The following CPPED1 variants were observed in gnomAD, a reference collection of about 807,000 sequenced individuals.
The protein encoded by CPPED1 is serine/threonine-protein phosphatase CPPED1.
Under a neutral mutation model 28.0 loss-of-function variants are expected in CPPED1, and 28 were observed. The ratio of observed to expected loss-of-function variants is 1.00; its 90% CI spans 0.74 to 1.37. The LOEUF is 1.37. Among genes scored for constraint, CPPED1 ranks in the 40% most tolerant of loss-of-function variants. The pLI is 0.00. For synonymous variants in CPPED1, 198 were observed against 180.2 expected (o/e 1.10, Z -0.79); for missense variants, 504 against 416.5 (o/e 1.21, Z -1.83).
chr16:12,664,270 A>T lies in CPPED1; in HGVS notation c.*616T>A. The T allele has an allele frequency of 1.3e-6, 1 of 786,156 alleles. No individual in the cohort carries two copies. Among genetic ancestry groups the T allele is most frequent in the Non-Finnish European group, 1.5e-6 (1 of 647,848 alleles). 48.7% of individuals were successfully genotyped at this position (786,156 alleles called of 1,614,324 possible). On this transcript the variant is annotated 3_prime_UTR_variant, in exon 4 of 4. Transcript: ENST00000381774. The surrounding 1 kb of genome is among the most constrained non-coding windows in gnomAD (Gnocchi z 4.2). ...TCTAGGCACCCAGGAAGGCAAATTT[A>T]AGCTCCGAGCTGTATCAACTGCATT...
rs759238457 is a variant in CPPED1, at chr16:12,781,332, C to A, written c.142G>T (p.Ala48Ser). The A allele has an allele frequency of 1.9e-5, 31 of 1,613,964 alleles. No homozygotes were observed. Among genetic ancestry groups the A allele is most frequent in the Non-Finnish European group, 2.5e-5 (29 of 1,180,032 alleles). ...TTGTCACAGTCCCCAGTGGACCAGGCCTTGATCAGCCCAAACTGTGGGTCT... is the reference window on the plus strand; with the variant it reads ...TTGTCACAGTCCCCAGTGGACCAGGACTTGATCAGCCCAAACTGTGGGTCT... ...GADPQFGLIK[A>S]WSTGDCDNGG... is the part of the protein sequence containing the mutation. Residue 48 changes from alanine to serine, a missense_variant, in exon 2 of 4, where the codon GCC (alanine) becomes TCC (serine). Transcript: ENST00000381774.
intron 1 of CPPED1, among the ~76,000 whole-genome samples, chr16:12,800,936 T>A (rs763224702): frequency 1.3e-5 from 2 of 152,174 alleles, no homozygotes; most frequent in South Asian, 4.1e-4. Flanking sequence ...AGCCCACCAG[T>A]AGCCAAGCAT....
chr16:12,683,560 T>C (rs1336026076), intron 3 of CPPED1, among the ~76,000 whole-genome samples: 3 of 152,170 alleles, frequency 2.0e-5, no homozygotes, highest in African/African-American at 7.2e-5. Context: ...CGCTTACTTC[T>C]TTTGCCCCAA....
chr16:12,740,092 GGAAGGAA>G (rs1427113119), intron 2 of CPPED1, among the ~76,000 whole-genome samples: 162 of 145,760 alleles, frequency 1.1e-3, no homozygotes, highest in African/African-American at 3.7e-3. Context: ...AGAAAGGAAA[GGAAGGAA>G]AGGAAGGAAA....
chr16:12,766,722 T>C (rs2080442015), intron 2 of CPPED1, among the ~76,000 whole-genome samples: 1 of 151,944 alleles, frequency 6.6e-6, no homozygotes, highest in South Asian at 2.1e-4. Context: ...TGAGCAGAGA[T>C]CACGCCACTG....
At chr16:12,730,908 A>G (rs1596463062) in intron 2 of CPPED1, among the ~76,000 whole-genome samples, 2 of 152,270 alleles carry the variant, frequency 1.3e-5, no homozygotes, top group East Asian at 3.9e-4. Flanking sequence ...TTCCTGAGAA[A>G]CCTCAATTTT....
intron 2 of CPPED1, among the ~76,000 whole-genome samples, chr16:12,712,434 C>T (rs185820058): frequency 6.6e-6 from 1 of 152,254 alleles, no homozygotes; most frequent in Non-Finnish European, 1.5e-5. Context: ...TTGAGTGAGC[C>T]AGCAGTTCCA....
chr16:12,787,529 T>G (rs1019827133), intron 1 of CPPED1, among the ~76,000 whole-genome samples: 31 of 151,738 alleles, frequency 2.0e-4, no homozygotes, highest in Admixed American at 2.0e-3. Flanking sequence ...CTTAGCCTCC[T>G]GAGCAGCTGG....
chr16:12,762,221 C>T (rs927718225), intron 2 of CPPED1, among the ~76,000 whole-genome samples: 8 of 152,192 alleles, frequency 5.3e-5, no homozygotes, highest in African/African-American at 1.9e-4. Flanking sequence ...ATTAAAAATA[C>T]TCTCTCATTT....
intron 3 of CPPED1, among the ~76,000 whole-genome samples, chr16:12,667,796 G>A (rs908042472): frequency 6.6e-6 from 1 of 152,092 alleles, no homozygotes; most frequent in Non-Finnish European, 1.5e-5. Flanking sequence ...GGAGCTGGTG[G>A]AGGAGAAAGG....
rs1442909175 is a variant in CPPED1, at chr16:12,660,943, A to C, written c.*3943T>G. ...GCCTGGGTAACAGAGCAAGACCTTC[A>C]ACTCCACAAATATAAAAATAAAAAA... is the stretch of plus-strand genomic sequence containing the variant. On this transcript the variant is annotated 3_prime_UTR_variant, in exon 4 of 4. Coordinates refer to ENST00000381774, the MANE Select transcript of CPPED1 (RefSeq NM_018340.3). 6.6e-6 allele frequency: 1 copy of C among 152,176 alleles called. No individual in the cohort carries two copies. Among genetic ancestry groups the C allele is most frequent in the African/African-American group, 2.4e-5 (1 of 41,446 alleles). The allele number at this position is 152,176 out of a possible 1,614,324, so 9.4% of individuals were successfully genotyped here.
chr16:12,785,578 G>A (rs1200612144), intron 1 of CPPED1, among the ~76,000 whole-genome samples: 2 of 151,926 alleles, frequency 1.3e-5, no homozygotes, highest in African/African-American at 4.8e-5. Flanking sequence ...CAGGCATGCA[G>A]CACCACACCT....
intron 2 of CPPED1, among the ~76,000 whole-genome samples, chr16:12,712,689 G>C (rs775238628): frequency 6.6e-6 from 1 of 152,094 alleles, no homozygotes. Flanking sequence ...CTGGCAGTGG[G>C]GGACAGTAAG....
intron 3 of CPPED1, among the ~76,000 whole-genome samples, chr16:12,671,231 A>G (rs1596439180): frequency 6.6e-6 from 1 of 152,060 alleles, no homozygotes; most frequent in South Asian, 2.1e-4. Flanking sequence ...CATTTGTTAC[A>G]ATTAATGAAC....
At chr16:12,771,647 C>T (rs2080470983) in intron 2 of CPPED1, among the ~76,000 whole-genome samples, 1 of 152,178 alleles carries the variant, frequency 6.6e-6, no homozygotes, top group Non-Finnish European at 1.5e-5. Context: ...TGTCTTGTAC[C>T]AGAATTATGT....
chr16:12,699,091 A>G (rs564500101), intron 3 of CPPED1, among the ~76,000 whole-genome samples: 3 of 152,334 alleles, frequency 2.0e-5, no homozygotes, highest in East Asian at 3.9e-4. Context: ...TAAAGGACCG[A>G]GAAAATGTCT....
At chr16:12,787,962 C>T (rs1258450819) in intron 1 of CPPED1, among the ~76,000 whole-genome samples, 1 of 152,158 alleles carries the variant, frequency 6.6e-6, no homozygotes, top group Non-Finnish European at 1.5e-5. Flanking sequence ...TTTCCAAGCT[C>T]ACTTACATAG....
At chr16:12,753,785 T>G (rs1567296555) in intron 2 of CPPED1, 2 of 152,084 alleles carry the variant, frequency 1.3e-5, no homozygotes, top group Non-Finnish European at 2.9e-5. Flanking sequence ...AGGAGCCCCC[T>G]CTCATTTATT....
intron 3 of CPPED1, among the ~76,000 whole-genome samples, chr16:12,685,229 C>G (rs1252190960): frequency 1.3e-5 from 2 of 152,206 alleles, no homozygotes; most frequent in Admixed American, 6.5e-5. Context: ...GTGGACAGAT[C>G]ACCTGAGGTC....
Sources: allele counts gnomAD v4.1 joint callset (sites outside exome capture counted in the v4.1 genomes callset), GRCh38; gene constraint gnomAD v4.1.1; non-coding constraint Gnocchi (gnomAD v3.1); transcripts MANE v1.5; gene names NCBI Gene and HGNC (gene_info 2026-07-23, HGNC 2026-07-21).